Variants in GALM observed in about 807,000 individuals in gnomAD.
GALM encodes the protein galactose mutarotase.
Under a neutral mutation model 37.4 loss-of-function variants are expected in GALM, and 43 were observed. That is an observed-to-expected ratio of 1.15 (90% CI 0.90 to 1.48). The LOEUF (loss-of-function observed/expected upper bound fraction) is 1.48, where lower values mean the gene tolerates loss of function less well. GALM is among the 40% of genes most tolerant of loss of function. The pLI is 0.00. For missense variants in GALM, 456 were observed against 419.1 expected, an observed-to-expected ratio of 1.09 and a Z score of -0.77; for synonymous variants, 199 against 170.6, an observed-to-expected ratio of 1.17 and a Z score of -1.30.
intron 4 of GALM, among the ~76,000 whole-genome samples, chr2:38,710,472 C>T (rs1666126419): frequency 1.3e-5 from 2 of 152,160 alleles, no homozygotes; most frequent in African/African-American, 4.8e-5. Flanking sequence ...TACTTCTGGG[C>T]CTTGGATCCT....
chr2:38,700,648 G>A (rs1169401188), intron 4 of GALM, among the ~76,000 whole-genome samples: 3 of 152,056 alleles, frequency 2.0e-5, no homozygotes, highest in African/African-American at 4.8e-5. Context: ...GTAGGCAACC[G>A]TAGTTGGGCC....
intron 6 of GALM, among the ~76,000 whole-genome samples, 189 bp downstream of exon 6, chr2:38,732,098 G>T (rs142561152): frequency 1.0e-3 from 153 of 152,184 alleles, no homozygotes; most frequent in East Asian, 1.9e-3. Context: ...TCAGCTCACT[G>T]CAACCTCCGC....
At chr2:38,685,641 A>G (rs1376115912) in intron 3 of GALM, among the ~76,000 whole-genome samples, 8 of 152,254 alleles carry the variant, frequency 5.3e-5, no homozygotes, top group Admixed American at 2.0e-4. Flanking sequence ...CAACAGTAAT[A>G]TTCCACCAGA....
At chr2:38,721,178 G>C (rs1666369213) in intron 4 of GALM, among the ~76,000 whole-genome samples, 1 of 152,202 alleles carries the variant, frequency 6.6e-6, no homozygotes, top group South Asian at 2.1e-4. Context: ...TATGAATCAA[G>C]GCAGATGGAT....
At chr2:38,669,388 C>G (rs1238514382) in intron 1 of GALM, 3 of 152,292 alleles carry the variant, frequency 2.0e-5, no homozygotes, top group Non-Finnish European at 4.4e-5. Flanking sequence ...CAATCGATCA[C>G]GACCCTCTCA....
intron 4 of GALM, among the ~76,000 whole-genome samples, chr2:38,717,411 T>G (rs1666290806): frequency 6.6e-6 from 1 of 151,930 alleles, no homozygotes; most frequent in Non-Finnish European, 1.5e-5. Context: ...GTTCCATTTT[T>G]CTTTTTGAGA....
chr2:38,733,074 A>G (rs1457198972), intron 6 of GALM, among the ~76,000 whole-genome samples: 1 of 151,692 alleles, frequency 6.6e-6, no homozygotes, highest in Admixed American at 6.6e-5. Flanking sequence ...TAAAAAAATT[A>G]TCTGGGCATG....
intron 5 of GALM, among the ~76,000 whole-genome samples, chr2:38,730,637 C>T (rs867377850): frequency 1.3e-5 from 2 of 151,930 alleles, no homozygotes; most frequent in Non-Finnish European, 2.9e-5. Context: ...AGACCTTCTC[C>T]GGGCTGGGCG....
intron 4 of GALM, 30 bp from the exon 5 acceptor site, chr2:38,729,526 T>A: frequency 6.2e-7 from 1 of 1,606,972 alleles, no homozygotes; most frequent in Non-Finnish European, 8.5e-7. Flanking sequence ...TGGGCATTTA[T>A]CACCTTTGTT....
chr2:38,684,180 G>A (rs184996124), intron 3 of GALM, among the ~76,000 whole-genome samples: 110 of 152,222 alleles, frequency 7.2e-4, no homozygotes, highest in African/African-American at 2.5e-3. Flanking sequence ...TTAATAAGTG[G>A]TATTTTTGTT....
intron 4 of GALM, among the ~76,000 whole-genome samples, chr2:38,704,476 G>C (rs1572531117): frequency 6.6e-6 from 1 of 151,928 alleles, no homozygotes; most frequent in Admixed American, 6.6e-5. Context: ...TCAAGAACCT[G>C]AGAAATACAG....
At chr2:38,724,611 G>T (rs1354840555) in intron 4 of GALM, among the ~76,000 whole-genome samples, 2 of 152,126 alleles carry the variant, frequency 1.3e-5, no homozygotes, top group African/African-American at 4.8e-5. Context: ...AAGATAGATT[G>T]GAGCCTTCAC....
intron 4 of GALM, among the ~76,000 whole-genome samples, chr2:38,719,198 G>A (rs747364558): frequency 1.3e-5 from 2 of 151,840 alleles, no homozygotes; most frequent in Non-Finnish European, 2.9e-5. Flanking sequence ...CTGGCTGGGC[G>A]CGGTGGCTCA....
At chr2:38,718,260 C>T (rs541228687) in intron 4 of GALM, among the ~76,000 whole-genome samples, 15 of 145,602 alleles carry the variant, frequency 1.0e-4, no homozygotes, top group Middle Eastern at 3.8e-3. Flanking sequence ...AGGGCAGTGG[C>T]GCAATCTCGG....
chr2:38,708,382 G>A (rs1426235637), intron 4 of GALM, among the ~76,000 whole-genome samples: 4 of 152,152 alleles, frequency 2.6e-5, no homozygotes, highest in Non-Finnish European at 5.9e-5. Flanking sequence ...CTTTAGCACA[G>A]GGCCATGGAA....
chr2:38,726,227 T>TA (rs1558597595), intron 4 of GALM, among the ~76,000 whole-genome samples: 73 of 33,244 alleles, frequency 2.2e-3, no homozygotes, highest in Middle Eastern at 0.01. Context: ...TTTTTTTTTT[T>TA]TTATTTTTTT....
At chr2:38,670,472 C>G (rs1300440111) in intron 1 of GALM, among the ~76,000 whole-genome samples, 1 of 152,190 alleles carries the variant, frequency 6.6e-6, no homozygotes, top group Non-Finnish European at 1.5e-5. Context: ...CGCCCAGGAG[C>G]ACCCTGGTGG....
intron 3 of GALM, among the ~76,000 whole-genome samples, chr2:38,687,575 T>G (rs568538372): frequency 4.3e-4 from 66 of 151,880 alleles, no homozygotes; most frequent in African/African-American, 1.5e-3. Context: ...CCTAGCATGG[T>G]GGTGGGCACC....
chr2:38,698,946 T>C (rs1488171024), intron 4 of GALM, among the ~76,000 whole-genome samples: 5 of 151,842 alleles, frequency 3.3e-5, no homozygotes, highest in Non-Finnish European at 1.5e-5. Flanking sequence ...AGAGTTTTGC[T>C]CTTGTTGCCT....
Sources: gnomAD v4.1 joint callset for allele counts (sites outside exome capture counted in the v4.1 genomes callset) on GRCh38, gnomAD v4.1.1 for gene constraint, MANE v1.5 for transcripts, NCBI Gene and HGNC (gene_info 2026-07-23, HGNC 2026-07-21) for gene names.